MBD5: variants seen among roughly 807,000 people sequenced by gnomAD.
The protein encoded by MBD5 is methyl-CpG binding domain protein 5, also known as methyl-CpG-binding domain protein 5.
A neutral mutation model predicts 117.3 loss-of-function variants in MBD5; 13 were observed. The observed-to-expected ratio is 0.11, with a 90% CI of 0.07 to 0.18. The LOEUF (loss-of-function observed/expected upper bound fraction) is 0.18. Among genes scored for constraint, MBD5 ranks in the 10% least tolerant of loss-of-function variants. The probability of loss-of-function intolerance (pLI) is 1.00; values close to 1 mark genes in which losing one functional copy is unlikely to be tolerated. For missense variants in MBD5, 1,879 were observed against 2,093.8 expected (o/e 0.90, Z 2.00); for synonymous variants, 727 against 766.4 (o/e 0.95, Z 0.85).
At chr2:148,471,577 T>C (rs1023866320) in intron 8 of MBD5, 1 of 152,098 alleles carries the variant, frequency 6.6e-6, no homozygotes, top group Non-Finnish European at 1.5e-5. Flanking sequence ...CTAACCCACA[T>C]GTCTTTGTTG....
At chr2:148,203,513 G>C (rs1025352935) in intron 2 of MBD5, among the ~76,000 whole-genome samples, 14 of 151,972 alleles carry the variant, frequency 9.2e-5, no homozygotes, top group Admixed American at 1.3e-4. Context: ...TTCTTCTTCT[G>C]TTGCTCATGA....
chr2:148,206,010 G>A (rs915707186), intron 2 of MBD5, among the ~76,000 whole-genome samples: 1 of 151,820 alleles, frequency 6.6e-6, no homozygotes, highest in Non-Finnish European at 1.5e-5. Flanking sequence ...TGGACCCAGT[G>A]ACTTGGGATG....
intron 1 of MBD5, among the ~76,000 whole-genome samples, chr2:148,090,469 G>A (rs10171170): frequency 0.86 from 131,387 of 152,112 alleles, 56,942 homozygotes; most frequent in East Asian, 0.9. Flanking sequence ...CGAATCCAAC[G>A]GCATATCAAA....
chr2:148,243,303 A>G (rs1574184296), intron 3 of MBD5, among the ~76,000 whole-genome samples: 1 of 150,780 alleles, frequency 6.6e-6, no homozygotes, highest in African/African-American at 2.4e-5. Flanking sequence ...TGTAATCATA[A>G]TAGTAGCTCT....
intron 1 of MBD5, among the ~76,000 whole-genome samples, chr2:148,090,973 T>C (rs1695926475): frequency 6.6e-6 from 1 of 152,140 alleles, no homozygotes; most frequent in South Asian, 2.1e-4. Flanking sequence ...AATTCAGTAA[T>C]GTCTCAGGAT....
rs572701188 is a variant in MBD5 at position 148,321,869 on chromosome 2, T to G, written c.-679-20345T>G. ...TCCTAGAGTGCTGGGATTACAGATA[T>G]GAGCTGCCACCCCCAGCCTTAATTT... On this transcript the variant is annotated intron_variant, in intron 3 of 13. Transcript: ENST00000642680. 3.9e-5 allele frequency among the ~76,000 whole-genome samples: 6 copies of G among 152,140 alleles called. No individual in the cohort carries two copies. The East Asian group carries it at 1.2e-3, about 29-fold the overall frequency.
intron 4 of MBD5, among the ~76,000 whole-genome samples, chr2:148,400,921 A>G (rs1309823838): frequency 6.6e-6 from 1 of 152,188 alleles, no homozygotes; most frequent in Non-Finnish European, 1.5e-5. Context: ...TTATTTGAAT[A>G]GCACTGCAGA....
chr2:148,445,219 GT>G (rs940167982), intron 4 of MBD5, among the ~76,000 whole-genome samples: 4 of 151,110 alleles, frequency 2.6e-5, no homozygotes, highest in Non-Finnish European at 5.9e-5. Flanking sequence ...CATGTGCCAT[GT>G]TGGTGTGCTG....
intron 1 of MBD5, among the ~76,000 whole-genome samples, chr2:148,060,065 G>T (rs1694984574): frequency 7.4e-6 from 1 of 134,280 alleles, no homozygotes; most frequent in Admixed American, 8.7e-5. Context: ...GCAGGTGGAT[G>T]GCTTGAGTAT....
intron 12 of MBD5, among the ~76,000 whole-genome samples, chr2:148,507,156 T>C (rs1332618512): frequency 6.6e-6 from 1 of 152,244 alleles, no homozygotes; most frequent in Non-Finnish European, 1.5e-5. Context: ...TGTTTACAAA[T>C]ATTTTAAATA....
intron 10 of MBD5, 101 bp from the exon 11 acceptor site, chr2:148,489,285 T>C (rs1325937821): frequency 3.6e-6 from 5 of 1,389,854 alleles, no homozygotes; most frequent in African/African-American, 2.9e-5. Flanking sequence ...TCCTTGTTAA[T>C]ATTTGTTTGT....
intron 3 of MBD5, among the ~76,000 whole-genome samples, chr2:148,315,656 G>C (rs1390489598): frequency 6.6e-6 from 1 of 152,050 alleles, no homozygotes; most frequent in Admixed American, 6.5e-5. Flanking sequence ...ATATATTGCT[G>C]TTTCCCTCCA....
chr2:148,021,496 C>G lies in MBD5; in HGVS notation c.-1113C>G, dbSNP rs1006947456. The G allele has an allele frequency of 1.7e-6, 1 of 577,364 alleles. No homozygotes were observed. The highest frequency in any genetic ancestry group is 2.2e-5 in the Admixed American group (1 of 46,222). The allele number at this position is 577,364 out of a possible 1,614,324, so 35.8% of individuals were successfully genotyped here. On this transcript the variant is annotated 5_prime_UTR_variant, in exon 1 of 14. Coordinates refer to ENST00000642680, the MANE Select transcript of MBD5 (RefSeq NM_001378120.1). The stretch of plus-strand genomic sequence containing the variant: ...GCTGCTGCTGTTGCTGCTGCTGCTG[C>G]TACTGCTGCTGCTGCTACTGCTGCT...
chr2:148,153,769 G>C (rs1319210018), intron 1 of MBD5, among the ~76,000 whole-genome samples: 1 of 142,548 alleles, frequency 7.0e-6, no homozygotes, highest in Non-Finnish European at 1.5e-5. Flanking sequence ...CGTAGTTCTC[G>C]AGCCTTGGTT....
At chr2:148,326,585 G>A (rs954480217) in intron 3 of MBD5, among the ~76,000 whole-genome samples, 39 of 152,158 alleles carry the variant, frequency 2.6e-4, no homozygotes, top group Admixed American at 1.8e-3. Flanking sequence ...CTTTACCATT[G>A]AGTAATGGCC....
chr2:148,150,917 A>T (rs1308378283), intron 1 of MBD5, among the ~76,000 whole-genome samples: 1 of 151,846 alleles, frequency 6.6e-6, no homozygotes, highest in Non-Finnish European at 1.5e-5. Flanking sequence ...TCTTTTCCTA[A>T]TTGAATACCC....
chr2:148,294,501 G>GTTTTTTT (rs58961481), intron 3 of MBD5, among the ~76,000 whole-genome samples: 4 of 113,210 alleles, frequency 3.5e-5, no homozygotes, highest in African/African-American at 1.5e-4. Flanking sequence ...TGGGATTACA[G>GTTTTTTT]TTTTTTTTTT....
At chr2:148,188,270 T>C (rs1168243877) in intron 2 of MBD5, among the ~76,000 whole-genome samples, 1 of 152,224 alleles carries the variant, frequency 6.6e-6, no homozygotes, top group Non-Finnish European at 1.5e-5. Context: ...TAGGAAATTA[T>C]AGGCTATTAT....
chr2:148,462,710 G>A, intron 6 of MBD5, 26 bp downstream of exon 6: 2 of 1,412,614 alleles, frequency 1.4e-6, no homozygotes, highest in Non-Finnish European at 2.0e-6. Context: ...TAGATCTACA[G>A]CAGTGTTTTA....
Sources: allele counts gnomAD v4.1 joint callset (sites outside exome capture counted in the v4.1 genomes callset), GRCh38; gene constraint gnomAD v4.1.1; transcripts MANE v1.5; gene names NCBI Gene and HGNC (gene_info 2026-07-23, HGNC 2026-07-21).